Variants in CAPN13 observed in about 807,000 individuals in gnomAD.
CAPN13 encodes the protein calpain-13.
Under a neutral mutation model 98.4 loss-of-function variants are expected in CAPN13, and 90 were observed. The ratio of observed to expected loss-of-function variants is 0.92; its 90% CI spans 0.77 to 1.09. CAPN13 has a LOEUF of 1.09. Ranked by LOEUF, CAPN13 falls within the 50% of genes least tolerant of loss-of-function variation. The probability of loss-of-function intolerance (pLI) is 0.00; values close to 1 mark genes in which losing one functional copy is unlikely to be tolerated. For missense variants in CAPN13, 887 were observed against 841.3 expected, an observed-to-expected ratio of 1.05 and a Z score of -0.67; for synonymous variants, 330 against 305.5, an observed-to-expected ratio of 1.08 and a Z score of -0.84.
intron 7 of CAPN13, among the ~76,000 whole-genome samples, chr2:30,758,346 C>T (rs949179319): frequency 1.3e-5 from 2 of 152,204 alleles, no homozygotes; most frequent in African/African-American, 2.4e-5. Context: ...GGAAATGGCC[C>T]CTCATTCCGC....
At chr2:30,779,907 T>G (rs1452340740) in intron 2 of CAPN13, among the ~76,000 whole-genome samples, 1 of 152,090 alleles carries the variant, frequency 6.6e-6, no homozygotes, top group East Asian at 1.9e-4. Context: ...CAACCTAATA[T>G]TTGAGGGAGG....
At chr2:30,767,895 C>T (rs140631455) in intron 5 of CAPN13, among the ~76,000 whole-genome samples, 293 of 152,254 alleles carry the variant, frequency 1.9e-3, no homozygotes, top group African/African-American at 6.6e-3. Context: ...ATAAAGATGT[C>T]CCCTGGCCAG....
At chr2:30,739,743 C>T (rs1169551612) in intron 15 of CAPN13, among the ~76,000 whole-genome samples, 1 of 152,142 alleles carries the variant, frequency 6.6e-6, no homozygotes, top group Non-Finnish European at 1.5e-5. Flanking sequence ...GAGGACAGAG[C>T]CTGCCCCGGG....
intron 1 of CAPN13, among the ~76,000 whole-genome samples, chr2:30,800,158 A>AAGAAAGAG (rs1553322265): frequency 6.7e-6 from 1 of 150,342 alleles, no homozygotes; most frequent in Non-Finnish European, 1.5e-5. Flanking sequence ...GAAAGAAAGA[A>AAGAAAGAG]AGAAAGAAAG....
intron 7 of CAPN13, 27 bp downstream of exon 7, chr2:30,763,055 G>A: frequency 6.3e-7 from 1 of 1,583,752 alleles, no homozygotes; most frequent in African/African-American, 1.3e-5. Flanking sequence ...CCAGGGGAGA[G>A]CTGGACAGGC....
At chr2:30,730,341 T>C (rs1671021023) in intron 22 of CAPN13, among the ~76,000 whole-genome samples, 1 of 152,236 alleles carries the variant, frequency 6.6e-6, no homozygotes, top group Non-Finnish European at 1.5e-5. Context: ...CAGCTGGGGC[T>C]AGAGCCCGCT....
At chr2:30,746,895 G>A (rs948005474) in intron 11 of CAPN13, among the ~76,000 whole-genome samples, 2 of 152,186 alleles carry the variant, frequency 1.3e-5, no homozygotes, top group African/African-American at 4.8e-5. Context: ...TGAAAGGTGT[G>A]GTTACTCTTC....
intron 22 of CAPN13, among the ~76,000 whole-genome samples, chr2:30,725,203 G>A (rs1655729076): frequency 6.6e-6 from 1 of 152,184 alleles, no homozygotes; most frequent in African/African-American, 2.4e-5. Context: ...GGAGCACAGA[G>A]CAATGAGTTA....
intron 2 of CAPN13, among the ~76,000 whole-genome samples, chr2:30,782,864 C>T (rs1187233554): frequency 6.6e-6 from 1 of 152,184 alleles, no homozygotes; most frequent in Non-Finnish European, 1.5e-5. Context: ...AATATGGTAG[C>T]CACAAGCCAT....
chr2:30,786,810 G>A (rs1162326250), intron 2 of CAPN13, among the ~76,000 whole-genome samples: 1 of 152,170 alleles, frequency 6.6e-6, no homozygotes, highest in African/African-American at 2.4e-5. Flanking sequence ...CAATTATGGG[G>A]TGGAGGAGAC....
chr2:30,732,178 C>T (rs977329155), intron 20 of CAPN13, among the ~76,000 whole-genome samples: 5 of 152,114 alleles, frequency 3.3e-5, no homozygotes, highest in Admixed American at 2.0e-4. Context: ...ACGGGGACAG[C>T]GTTAACCTTG....
chr2:30,724,965 C>T (rs913378666), intron 22 of CAPN13, among the ~76,000 whole-genome samples: 10 of 152,174 alleles, frequency 6.6e-5, no homozygotes, highest in African/African-American at 2.4e-4. Context: ...CTAAATCCTG[C>T]AGAATAGGAG....
intron 12 of CAPN13, among the ~76,000 whole-genome samples, chr2:30,744,717 A>G (rs1047384156): frequency 1.3e-5 from 2 of 152,126 alleles, no homozygotes; most frequent in Non-Finnish European, 2.9e-5. Context: ...GAGAAGTGTG[A>G]GTGTGGGGGA....
At chr2:30,736,193 G>A (rs962777099) in intron 18 of CAPN13, among the ~76,000 whole-genome samples, 11 of 148,606 alleles carry the variant, frequency 7.4e-5, no homozygotes, top group African/African-American at 2.7e-4. Context: ...AATGAGATAA[G>A]CTAGCAGGTG....
chr2:30,745,606 A>G, intron 12 of CAPN13, 117 bp downstream of exon 12: 3 of 979,714 alleles, frequency 3.1e-6, no homozygotes, highest in Non-Finnish European at 4.6e-6. Context: ...TGTAAGACTT[A>G]GCGAGACTGA....
intron 1 of CAPN13, among the ~76,000 whole-genome samples, chr2:30,799,849 G>A (rs981515819): frequency 5.3e-5 from 8 of 152,074 alleles, no homozygotes; most frequent in Non-Finnish European, 8.8e-5. Flanking sequence ...CAAGGTGGGC[G>A]GATCACGAGG....
intron 4 of CAPN13, among the ~76,000 whole-genome samples, chr2:30,772,864 G>A (rs1673481467): frequency 6.6e-6 from 1 of 151,432 alleles, no homozygotes; most frequent in South Asian, 2.1e-4. Context: ...CTGTTGCCAG[G>A]CTGGAGTGCA....
chr2:30,791,300 A>C (rs1520319), intron 1 of CAPN13, among the ~76,000 whole-genome samples: 43,096 of 152,166 alleles, frequency 0.28, 7,178 homozygotes, highest in South Asian at 0.45. Context: ...TATGTCTTAG[A>C]TACTGCTGAG....
At chr2:30,770,225 G>T in intron 5 of CAPN13, 88 bp downstream of exon 5, 1 of 1,532,272 alleles carries the variant, frequency 6.5e-7, no homozygotes, top group Non-Finnish European at 8.8e-7. Flanking sequence ...GGCAAAGGCT[G>T]CAATGCTCCA....
Sources: allele counts gnomAD v4.1 joint callset (sites outside exome capture counted in the v4.1 genomes callset), GRCh38; gene constraint gnomAD v4.1.1; transcripts MANE v1.5; gene names NCBI Gene and HGNC (gene_info 2026-07-23, HGNC 2026-07-21).